The following BEND5 variants were observed in gnomAD, a reference collection of about 807,000 sequenced individuals.
The protein encoded by BEND5 is BEN domain containing 5, also known as BEN domain-containing protein 5.
BEND5 carries 22 observed loss-of-function variants against 43.9 expected under a neutral mutation model. The observed-to-expected ratio is 0.50, with a 90% CI of 0.36 to 0.72. The LOEUF is 0.72. Ranked by LOEUF, BEND5 falls within the 30% of genes least tolerant of loss-of-function variation. The pLI is 0.00. For missense variants in BEND5, 428 were observed against 550.6 expected (o/e 0.78, Z 2.23); for synonymous variants, 228 against 225.9 (o/e 1.01, Z -0.08).
chr1:48,748,344 G>A (rs745588293), intron 3 of BEND5, among the ~76,000 whole-genome samples: 1 of 152,184 alleles, frequency 6.6e-6, no homozygotes, highest in Non-Finnish European at 1.5e-5. Context: ...GACAAATCTG[G>A]TTTCATTCCT....
chr1:48,761,566 G>C (rs1179307751), intron 1 of BEND5, 96 bp from the exon 2 acceptor site: 3 of 1,297,056 alleles, frequency 2.3e-6, no homozygotes, highest in Admixed American at 4.8e-5. Flanking sequence ...GAAAATAATT[G>C]AGGCCAGACC....
rs1160754233 is a variant in BEND5, at chr1:48,776,875, G to T, written c.-44C>A. 1.5e-6 allele frequency: 2 copies of T among 1,378,612 alleles called. No individual in the cohort carries two copies. Among genetic ancestry groups the T allele is most frequent in the African/African-American group, 3.1e-5 (2 of 64,728 alleles). 85.4% of individuals were successfully genotyped at this position (1,378,612 alleles called of 1,614,324 possible). The stretch of plus-strand genomic sequence containing the variant: ...GCCCCGGTCGGGCAGCTCAGCCCGC[G>T]GGGCGGGCGCGGAGGTGGGGATCCG... On this transcript the variant is annotated 5_prime_UTR_variant, in exon 1 of 6. Coordinates refer to ENST00000371833, the MANE Select transcript of BEND5 (RefSeq NM_024603.4).
Position 48,732,582 on chromosome 1 carries a change from T to A in BEND5, c.1108+3657A>T, listed in dbSNP as rs113381677. The stretch of plus-strand genomic sequence containing the variant: ...GACTGAGTGGCTGGGGAGGCCTCTC[T>A]CAGTGACAGGGAGGGAGGGCACGCA... On this transcript the variant is annotated intron_variant, in intron 5 of 5. Coordinates refer to ENST00000371833, the MANE Select transcript of BEND5 (RefSeq NM_024603.4). Among the ~76,000 whole-genome samples the A allele has an allele frequency of 6.0e-3, 914 of 151,776 alleles. 13 individuals are homozygous for A. The highest frequency in any genetic ancestry group is 0.021 in the African/African-American group (873 of 41,164).
rs532358290 is a variant in BEND5 at position 48,776,662 on chromosome 1, G to T, written c.170C>A (p.Ala57Asp). 163 of 1,494,180 alleles carry T rather than the reference G, an allele frequency of 1.1e-4. 1 individual carries two copies. The East Asian group carries it at 4.6e-3, about 42-fold the overall frequency. The allele number at this position is 1,494,180 out of a possible 1,614,324, so 92.6% of individuals were successfully genotyped here. A position where few individuals can be genotyped will look rare whatever the true frequency, so the allele number is the denominator to read the frequency against. ...LGAGPESPPR[A>D]PRDWGALLLH... is the part of the protein sequence containing the mutation. Reference sequence around the variant, plus strand: ...CAACAGCGCGCCCCAGTCGCGGGGGGCGCGCGGGGGGCTCTCGGGCCCGGC... The same window carrying T: ...CAACAGCGCGCCCCAGTCGCGGGGGTCGCGCGGGGGGCTCTCGGGCCCGGC... The change falls in exon 1 of 6, where the codon GCC (alanine) becomes GAC (aspartate). Residue 57 changes from alanine to aspartate, a missense_variant. Physicochemically the swap from Ala to Asp is moderately radical, Grantham distance 126. Coordinates refer to ENST00000371833, the MANE Select transcript of BEND5 (RefSeq NM_024603.4).
In BEND5 at chr1:48,742,662, A is replaced by G. The variant is rs747945703; in HGVS notation, c.855T>C (p.Pro285=). 53 of 1,608,538 alleles carry G rather than the reference A, an allele frequency of 3.3e-5. No individual in the cohort carries two copies. Among genetic ancestry groups the G allele is most frequent in the Non-Finnish European group, 4.2e-5 (49 of 1,177,162 alleles). The change falls in exon 4 of 6, where the codon CCT becomes CCC. Residue 285 remains proline, a synonymous_variant. Transcript: ENST00000371833. ...EANTSSYYPA[P]APVMDKYILD... is the part of the protein sequence containing the mutation. ...GGATATACTTGTCCATGACAGGCGC[A>G]GGAGCGGGGTAATAGGACGACGTAT...
chr1:48,749,306 A>C (rs1308988619), intron 3 of BEND5, among the ~76,000 whole-genome samples: 1 of 152,158 alleles, frequency 6.6e-6, no homozygotes, highest in Non-Finnish European at 1.5e-5. Context: ...CCTGACTAGA[A>C]CATAAACACC....
intron 3 of BEND5, among the ~76,000 whole-genome samples, chr1:48,750,438 C>T (rs1465117283): frequency 6.6e-6 from 1 of 152,130 alleles, no homozygotes; most frequent in East Asian, 1.9e-4. Flanking sequence ...GAGATAGTTC[C>T]TTAACTTGGG....
intron 1 of BEND5, among the ~76,000 whole-genome samples, chr1:48,771,846 A>T (rs1478957833): frequency 1.3e-5 from 2 of 152,202 alleles, no homozygotes; most frequent in Non-Finnish European, 2.9e-5. Context: ...CAATAAGAAC[A>T]TGGCTTTGGA....
In BEND5 at chr1:48,776,656, C is replaced by T. The variant is rs1001187351; in HGVS notation, c.176G>A (p.Arg59His). The stretch of plus-strand genomic sequence containing the variant: ...GTGGAGCAACAGCGCGCCCCAGTCG[C>T]GGGGGGCGCGCGGGGGGCTCTCGGG... ...AGPESPPRAP[R>H]DWGALLLHKA... The change falls in exon 1 of 6, where the codon CGC (arginine) becomes CAC (histidine). Residue 59 changes from arginine (R) to histidine (H), a missense_variant. Physicochemically the swap from Arg to His is conservative, Grantham distance 29. Transcript: ENST00000371833. 1.9e-5 allele frequency: 28 copies of T among 1,480,714 alleles called. No homozygotes were observed. Among genetic ancestry groups the T allele is most frequent in the African/African-American group, 6.0e-5 (4 of 67,022 alleles). The allele number at this position is 1,480,714 out of a possible 1,614,324, so 91.7% of individuals were successfully genotyped here. A position where few individuals can be genotyped will look rare whatever the true frequency, so the allele number is the denominator to read the frequency against.
At chr1:48,751,930 T>C (rs1651801911) in intron 3 of BEND5, among the ~76,000 whole-genome samples, 1 of 152,194 alleles carries the variant, frequency 6.6e-6, no homozygotes, top group Non-Finnish European at 1.5e-5. Context: ...TTTTAAACTG[T>C]GGCTACTTCT....
intron 3 of BEND5, among the ~76,000 whole-genome samples, chr1:48,753,422 A>G (rs17366209): frequency 0.41 from 62,572 of 152,166 alleles, 14,552 homozygotes; most frequent in Non-Finnish European, 0.53. Flanking sequence ...AGCAAGAAGC[A>G]TTTGGCTGAC....
At chr1:48,764,001 G>A (rs1477412374) in intron 1 of BEND5, among the ~76,000 whole-genome samples, 4 of 152,240 alleles carry the variant, frequency 2.6e-5, no homozygotes, top group East Asian at 3.9e-4. Flanking sequence ...TCTATGCCTC[G>A]ACTTAACCTT....
intron 1 of BEND5, among the ~76,000 whole-genome samples, chr1:48,771,369 T>C (rs972153972): frequency 5.3e-5 from 8 of 152,220 alleles, no homozygotes; most frequent in Admixed American, 6.5e-5. Flanking sequence ...GGTGTGCTCT[T>C]GAACAGCAAA....
chr1:48,752,116 C>G (rs1466893519), intron 3 of BEND5, among the ~76,000 whole-genome samples: 1 of 152,170 alleles, frequency 6.6e-6, no homozygotes, highest in Non-Finnish European at 1.5e-5. Flanking sequence ...GACTGTGGGC[C>G]TCTTAGGCCT....
At chr1:48,759,483 G>C in intron 2 of BEND5, 199 bp from the exon 3 acceptor site, 1 of 1,101,494 alleles carries the variant, frequency 9.1e-7, no homozygotes, top group Non-Finnish European at 1.2e-6. Flanking sequence ...ATGGGGTTCC[G>C]AGTGGGGAAG....
intron 1 of BEND5, among the ~76,000 whole-genome samples, chr1:48,774,430 G>A (rs1211628208): frequency 6.6e-6 from 1 of 152,198 alleles, no homozygotes; most frequent in East Asian, 1.9e-4. Context: ...GTACCCAGGA[G>A]ATCAAAATTC....
chr1:48,757,232 G>A (rs1934409), intron 3 of BEND5, among the ~76,000 whole-genome samples: 119,651 of 152,100 alleles, frequency 0.79, 48,236 homozygotes, highest in Non-Finnish European at 0.89. Flanking sequence ...CACTGAAAAT[G>A]CAAATTATTC....
rs958944295 is a variant in BEND5 at position 48,759,022 on chromosome 1, C to T, written c.623G>A (p.Arg208Gln). 5 of 1,613,982 alleles carry T rather than the reference C, an allele frequency of 3.1e-6. No individual in the cohort carries two copies. The highest frequency in any genetic ancestry group is 2.2e-5 in the East Asian group (1 of 44,876). The change falls in exon 3 of 6, where the codon CGG (arginine) becomes CAG (glutamine). Residue 208 changes from arginine to glutamine, a missense_variant. This residue lies in a region of BEND5 where 243 missense variants were observed against 286.4 expected (regional missense o/e 0.85). Transcript: ENST00000371833. ...CTTGGCCTGTTGTACCAGCTGCCTC[C>T]GAGTCCGCTCCAGCTCCTGCTGGAG... ...RHLQQELERT[R>Q]RQLVQQAKKL...
intron 3 of BEND5, among the ~76,000 whole-genome samples, chr1:48,745,316 G>T (rs1053132893): frequency 1.3e-5 from 2 of 152,158 alleles, no homozygotes; most frequent in African/African-American, 4.8e-5. Flanking sequence ...CTTGGAGTCC[G>T]AGAAGTAGAA....
Sources: gnomAD v4.1 joint callset for allele counts (sites outside exome capture counted in the v4.1 genomes callset) on GRCh38, gnomAD v4.1.1 for gene constraint, gnomAD v4.1.1 regional missense constraint, MANE v1.5 for transcripts, NCBI Gene and HGNC (gene_info 2026-07-23, HGNC 2026-07-21) for gene names.